Variants in ABCA12 observed in about 807,000 individuals in gnomAD.
ABCA12 encodes glucosylceramide transporter ABCA12.
A neutral mutation model predicts 293.5 loss-of-function variants in ABCA12; 156 were observed. The observed-to-expected ratio is 0.53, with a 90% confidence interval of 0.47 to 0.61. The LOEUF is 0.61. Ranked by LOEUF, ABCA12 falls within the 20% of genes least tolerant of loss-of-function variation. ABCA12 has a pLI of 0.00. For synonymous variants in ABCA12, 1,063 were observed against 1,108.0 expected (o/e 0.96, Z 0.81); for missense variants, 2,797 against 3,090.2 (o/e 0.91, Z 2.25).
At position 214,979,038 on chromosome 2, in the gene ABCA12, A is replaced by G. The variant is rs1187235941; in HGVS notation, c.4743T>C (p.Ser1581=). 2 of 1,613,418 alleles carry G rather than the reference A, an allele frequency of 1.2e-6. No individual in the cohort carries two copies. The highest frequency in any genetic ancestry group is 8.5e-7 in the Non-Finnish European group (1 of 1,179,530). ...GYHLTLTKKK[S]PNLNANAVCD... ...ATACTGCATTTGCATTTAAATTTGG[A>G]CTCTAAGAGAGAAAAGTAGGAATTA... The change falls in exon 32 of 53, where the codon AGT becomes AGC. Residue 1581 remains serine, a splice_region_variant and synonymous_variant. Coordinates refer to ENST00000272895, the MANE Select transcript of ABCA12 (RefSeq NM_173076.3).
chr2:214,993,092 G>A (rs1699960082), intron 23 of ABCA12, among the ~76,000 whole-genome samples: 2 of 152,290 alleles, frequency 1.3e-5, no homozygotes, highest in East Asian at 3.9e-4. Flanking sequence ...TGCTGCTCCA[G>A]TTGTTACCAG....
chr2:215,079,270 G>A (rs1446651263), intron 2 of ABCA12, among the ~76,000 whole-genome samples: 1 of 152,214 alleles, frequency 6.6e-6, no homozygotes, highest in Non-Finnish European at 1.5e-5. Context: ...CCTGTAGACA[G>A]TGGTGGATTT....
intron 13 of ABCA12, 116 bp downstream of exon 13, chr2:215,019,220 A>G: frequency 1.2e-6 from 1 of 843,792 alleles, no homozygotes; most frequent in Non-Finnish European, 2.0e-6. Context: ...CTCATGTGTA[A>G]GGGCAGATAG....
Position 214,978,388 on chromosome 2 carries a change from T to G in ABCA12, c.5056A>C (p.Asn1686His). The G allele has an allele frequency of 1.2e-6, 2 of 1,614,060 alleles. No individual in the cohort carries two copies. The highest frequency in any genetic ancestry group is 1.7e-6 in the Non-Finnish European group (2 of 1,179,972). Residue 1686 changes from asparagine to histidine, a missense_variant, in exon 33 of 53, where the codon AAT (asparagine) becomes CAT (histidine). Asn to His is a moderately conservative substitution (Grantham distance 68, BLOSUM62 1). This residue lies in a region of ABCA12 where 2,130 missense variants were observed against 2,427.0 expected (regional missense o/e 0.88). Coordinates refer to ENST00000272895, the MANE Select transcript of ABCA12 (RefSeq NM_173076.3). ...GTTGAGATGCCATTGGCATTGGAAT[T>G]CCCAATTTTCTTTTGTGTTAAGTGC... Reference protein sequence around the residue: ...LEHLTQKKIGNSNANGISTPD... With the variant: ...LEHLTQKKIGHSNANGISTPD...
chr2:215,101,295 A>C (rs1702351763), intron 2 of ABCA12, among the ~76,000 whole-genome samples: 1 of 152,212 alleles, frequency 6.6e-6, no homozygotes, highest in South Asian at 2.1e-4. Context: ...AGGAAAAAGT[A>C]GCTCACAAAC....
chr2:214,951,310 T>C (rs1298065694), intron 44 of ABCA12, among the ~76,000 whole-genome samples: 1 of 152,194 alleles, frequency 6.6e-6, no homozygotes, highest in Non-Finnish European at 1.5e-5. Context: ...CCTTAAATGT[T>C]TACAGATCCA....
At chr2:215,058,329 A>G (rs554503327) in intron 3 of ABCA12, among the ~76,000 whole-genome samples, 38 of 152,084 alleles carry the variant, frequency 2.5e-4, no homozygotes, top group African/African-American at 8.2e-4. Context: ...ACAACAAAGA[A>G]TTATCTGGTC....
intron 1 of ABCA12, among the ~76,000 whole-genome samples, chr2:215,124,670 A>G (rs576274028): frequency 6.6e-6 from 1 of 151,864 alleles, no homozygotes; most frequent in African/African-American, 2.4e-5. Context: ...TTTCTTGCTG[A>G]TCAATTTGAG....
rs1280886092 is a variant in ABCA12, at chr2:215,045,996, T to C, written c.713A>G (p.Asn238Ser). 2 of 1,613,530 alleles carry C rather than the reference T, an allele frequency of 1.2e-6. No individual in the cohort carries two copies. The highest frequency in any genetic ancestry group is 2.2e-5 in the East Asian group (1 of 44,862). ...QFSQLSSDPNNQKIVFQEIVR... is the reference protein window; with the variant it reads ...QFSQLSSDPNSQKIVFQEIVR... ...TATTTCCTGAAACACTATCTTCTGA[T>C]TGTTGGGGTCACTGGATAGCTTAAA... Residue 238 changes from asparagine (N) to serine (S), a missense_variant, in exon 7 of 53, where the codon AAT (asparagine) becomes AGT (serine). Asn to Ser is a conservative substitution (Grantham distance 46). Transcript: ENST00000272895.
chr2:215,015,429 T>C, intron 15 of ABCA12, 61 bp downstream of exon 15: 5 of 1,447,992 alleles, frequency 3.5e-6, no homozygotes, highest in Non-Finnish European at 4.8e-6. Context: ...AACATAAATG[T>C]ATAATTAAAT....
intron 52 of ABCA12, among the ~76,000 whole-genome samples, chr2:214,933,156 A>AG (rs936909603): frequency 6.6e-6 from 1 of 152,196 alleles, no homozygotes; most frequent in African/African-American, 2.4e-5. Flanking sequence ...ACTAGTTTCA[A>AG]GAGTTAATGC....
intron 2 of ABCA12, among the ~76,000 whole-genome samples, chr2:215,093,450 A>G (rs1247875680): frequency 6.6e-6 from 1 of 152,056 alleles, no homozygotes; most frequent in Non-Finnish European, 1.5e-5. Context: ...TTCCCACACT[A>G]GCTCTCCCTA....
chr2:215,136,640 A>G (rs891276128), intron 1 of ABCA12, among the ~76,000 whole-genome samples: 2 of 152,204 alleles, frequency 1.3e-5, no homozygotes, highest in South Asian at 2.1e-4. Flanking sequence ...TACCCACAGT[A>G]TCTTCTCCTG....
intron 1 of ABCA12, among the ~76,000 whole-genome samples, chr2:215,130,237 T>TG (rs1703024959): frequency 9.1e-6 from 1 of 110,186 alleles, no homozygotes; most frequent in African/African-American, 1.0e-4. Flanking sequence ...AACTTTAGGA[T>TG]TTTTTTTTTT....
chr2:215,127,820 C>T (rs1464254333), intron 1 of ABCA12, among the ~76,000 whole-genome samples: 1 of 152,114 alleles, frequency 6.6e-6, no homozygotes, highest in East Asian at 1.9e-4. Context: ...GGTACCATTG[C>T]ATTCACTGTG....
intron 42 of ABCA12, 100 bp from the exon 43 acceptor site, chr2:214,955,461 C>G: frequency 8.3e-7 from 1 of 1,210,144 alleles, no homozygotes; most frequent in Non-Finnish European, 1.2e-6. Context: ...GCAGGTGGAT[C>G]ACTTGAGCCC....
intron 2 of ABCA12, among the ~76,000 whole-genome samples, chr2:215,094,861 C>T (rs1031775306): frequency 1.3e-5 from 2 of 152,042 alleles, no homozygotes; most frequent in African/African-American, 4.8e-5. Context: ...GAGTGCAAGA[C>T]ATCATCTCTT....
At chr2:215,112,486 GT>G (rs112479616) in intron 1 of ABCA12, among the ~76,000 whole-genome samples, 11,776 of 106,504 alleles carry the variant, frequency 0.11, 457 homozygotes, top group African/African-American at 0.23. Context: ...GGTTTTTTTT[GT>G]TTTTTTTTTG....
chr2:214,988,542 C>G (rs1054303119), intron 26 of ABCA12, among the ~76,000 whole-genome samples: 5 of 152,132 alleles, frequency 3.3e-5, no homozygotes, highest in African/African-American at 1.2e-4. Flanking sequence ...AAAATGCATA[C>G]ATATAAGTAG....
Sources: gnomAD v4.1 joint callset for allele counts (sites outside exome capture counted in the v4.1 genomes callset) on GRCh38, gnomAD v4.1.1 for gene constraint, gnomAD v4.1.1 regional missense constraint, MANE v1.5 for transcripts, NCBI Gene and HGNC (gene_info 2026-07-23, HGNC 2026-07-21) for gene names.